Variants in MYO5B observed in about 807,000 individuals in gnomAD.
The protein encoded by MYO5B is unconventional myosin-Vb.
In MYO5B, 143 loss-of-function variants were observed where a neutral mutation model predicts 229.3. That is an observed-to-expected ratio of 0.62 (90% CI 0.54 to 0.72). The LOEUF is 0.72. MYO5B is among the 30% of genes least tolerant of loss of function. MYO5B has a pLI of 0.00. For missense variants in MYO5B, 2,321 were observed against 2,331.0 expected, an observed-to-expected ratio of 1.00 and a Z score of 0.09; for synonymous variants, 918 against 885.2, an observed-to-expected ratio of 1.04 and a Z score of -0.66.
intron 1 of MYO5B, among the ~76,000 whole-genome samples, chr18:50,154,349 C>T (rs568418715): frequency 7.9e-5 from 12 of 152,266 alleles, no homozygotes; most frequent in Non-Finnish European, 1.6e-4. Context: ...GACCTCACAA[C>T]ATTGAAGTCA....
At chr18:49,916,492 T>G (rs982696791) in intron 17 of MYO5B, among the ~76,000 whole-genome samples, 5 of 152,196 alleles carry the variant, frequency 3.3e-5, no homozygotes, top group Non-Finnish European at 1.5e-5. Flanking sequence ...ATGGGGCGTA[T>G]GGAGAGCTCC....
At chr18:50,036,059 A>C (rs1185219009) in intron 4 of MYO5B, among the ~76,000 whole-genome samples, 1 of 152,182 alleles carries the variant, frequency 6.6e-6, no homozygotes, top group Non-Finnish European at 1.5e-5. Context: ...ATTAATCTAA[A>C]TAGCTTTCCT....
chr18:50,004,363 T>G (rs2026079016), intron 4 of MYO5B, among the ~76,000 whole-genome samples: 1 of 152,146 alleles, frequency 6.6e-6, no homozygotes, highest in African/African-American at 2.4e-5. Context: ...AACCACAAGT[T>G]TAAAAAATCT....
At chr18:50,117,534 T>G (rs562241060) in intron 1 of MYO5B, among the ~76,000 whole-genome samples, 1 of 152,154 alleles carries the variant, frequency 6.6e-6, no homozygotes, top group African/African-American at 2.4e-5. Context: ...CTGGGAGTCT[T>G]TCTTCCTCTC....
chr18:49,938,624 G>A (rs984003524), intron 14 of MYO5B, among the ~76,000 whole-genome samples: 2 of 151,908 alleles, frequency 1.3e-5, no homozygotes, highest in Non-Finnish European at 2.9e-5. Flanking sequence ...CCCCTCTCCT[G>A]CCATTGTGTC....
chr18:50,137,419 G>A (rs999798736), intron 1 of MYO5B, among the ~76,000 whole-genome samples: 1 of 152,184 alleles, frequency 6.6e-6, no homozygotes, highest in Admixed American at 6.5e-5. Context: ...TTATGCAAAT[G>A]GTGAAGGAAC....
rs373626139 is a variant in MYO5B at position 49,954,319 on chromosome 18, T to G, written c.1662A>C (p.Ala554=). 5.0e-6 allele frequency: 8 copies of G among 1,613,796 alleles called. No homozygotes were observed. The Admixed American group carries it at 6.7e-5, about 13-fold the overall frequency. Residue 554 remains alanine (A), a synonymous_variant, in exon 13 of 40, where the codon GCA becomes GCC. Coordinates refer to ENST00000285039, the MANE Select transcript of MYO5B (RefSeq NM_001080467.3). ...CAACAGAGAGGAGAGCCACCTTGTCTGCAAAGTGGACGATGATGAAGGCCG... is the reference window on the plus strand; with the variant it reads ...CAACAGAGAGGAGAGCCACCTTGTCGGCAAAGTGGACGATGATGAAGGCCG... The part of the protein sequence containing the change: ...SNTAFIIVHF[A]DKVEYLSDGF...
At chr18:50,126,068 G>A (rs1233234759) in intron 1 of MYO5B, among the ~76,000 whole-genome samples, 5 of 152,162 alleles carry the variant, frequency 3.3e-5, no homozygotes, top group African/African-American at 1.2e-4. Flanking sequence ...GATGGTGGTC[G>A]TGATTGCACA....
chr18:49,963,168 A>G, intron 10 of MYO5B, 138 bp from the exon 11 acceptor site: 1 of 746,730 alleles, frequency 1.3e-6, no homozygotes, highest in African/African-American at 1.7e-5. Context: ...GTTCAGAGAG[A>G]CCACTGTTGC....
At chr18:50,120,915 C>T (rs944009679) in intron 1 of MYO5B, among the ~76,000 whole-genome samples, 4 of 152,180 alleles carry the variant, frequency 2.6e-5, no homozygotes, top group Non-Finnish European at 4.4e-5. Context: ...TCAGGAGCTT[C>T]TAAGGCCAAA....
In MYO5B at chr18:49,906,490, C is replaced by T. The variant is rs61737448; in HGVS notation, c.2343G>A (p.Lys781=). 1.2e-6 allele frequency: 2 copies of T among 1,614,196 alleles called. No homozygotes were observed. Among genetic ancestry groups the T allele is most frequent in the Admixed American group, 1.7e-5 (1 of 60,032 alleles). Residue 781 remains lysine, a synonymous_variant, in exon 19 of 40, where the codon AAG becomes AAA. Coordinates refer to ENST00000285039, the MANE Select transcript of MYO5B (RefSeq NM_001080467.3). The stretch of plus-strand genomic sequence containing the variant: ...CCCCCTTCAGCCTGTGATATTTCAC[C>T]TTCTGCAGCCATCCCCGGACAGTTT... The part of the protein sequence containing the change: ...IQKTVRGWLQ[K]VKYHRLKGAT...
At chr18:50,061,724 C>A (rs2144429200) in intron 1 of MYO5B, among the ~76,000 whole-genome samples, 1 of 152,244 alleles carries the variant, frequency 6.6e-6, no homozygotes, top group East Asian at 1.9e-4. Flanking sequence ...AAAAACTTCC[C>A]AAGTGATGAA....
At chr18:49,902,498 T>C in intron 21 of MYO5B, 96 bp downstream of exon 21, 1 of 1,558,170 alleles carries the variant, frequency 6.4e-7, no homozygotes, top group Non-Finnish European at 8.7e-7. Flanking sequence ...CCTCGGGTCT[T>C]CGGCATGTGC....
intron 1 of MYO5B, among the ~76,000 whole-genome samples, chr18:50,061,672 T>G (rs950362624): frequency 1.7e-4 from 26 of 152,178 alleles, no homozygotes; most frequent in Non-Finnish European, 1.2e-4. Context: ...CACACTTGAA[T>G]AGTTAAATCT....
intron 4 of MYO5B, among the ~76,000 whole-genome samples, chr18:50,019,563 G>C (rs1308783666): frequency 6.6e-6 from 1 of 152,216 alleles, no homozygotes; most frequent in African/African-American, 2.4e-5. Context: ...TGCCATAATG[G>C]CTTGATGTGA....
chr18:50,054,448 G>GC (rs1195778830), intron 2 of MYO5B, among the ~76,000 whole-genome samples: 2 of 152,010 alleles, frequency 1.3e-5, no homozygotes, highest in African/African-American at 2.4e-5. Flanking sequence ...CATGTTCACT[G>GC]CCCCCCTTTA....
intron 1 of MYO5B, among the ~76,000 whole-genome samples, chr18:50,149,361 G>T (rs1159903432): frequency 1.3e-5 from 2 of 151,734 alleles, no homozygotes; most frequent in East Asian, 3.9e-4. Flanking sequence ...AACCAAAAAA[G>T]AGCCCACATC....
Position 50,194,969 on chromosome 18 carries a change from C to A in MYO5B, c.-176G>T, listed in dbSNP as rs886053883. The A allele has an allele frequency of 1.5e-5, 14 of 959,076 alleles. No individual in the cohort carries two copies. The highest frequency in any genetic ancestry group is 5.3e-5 in the South Asian group (1 of 18,902). The allele number at this position is 959,076 out of a possible 1,614,324, so 59.4% of individuals were successfully genotyped here. The stretch of plus-strand genomic sequence containing the variant: ...GGCGCCGCGGCCGGCTCGCTCCCGG[C>A]GGCGCGACCTTTACTCCCGCCGCGG... On this transcript the variant is annotated 5_prime_UTR_variant, in exon 1 of 40. Transcript: ENST00000285039.
chr18:50,179,160 C>T (rs2033039013), intron 1 of MYO5B, among the ~76,000 whole-genome samples: 1 of 152,136 alleles, frequency 6.6e-6, no homozygotes, highest in Non-Finnish European at 1.5e-5. Context: ...CACCAGCCAC[C>T]ACCAGAATGT....
Sources: gnomAD v4.1 joint callset for allele counts (sites outside exome capture counted in the v4.1 genomes callset) on GRCh38, gnomAD v4.1.1 for gene constraint, MANE v1.5 for transcripts, NCBI Gene and HGNC (gene_info 2026-07-23, HGNC 2026-07-21) for gene names.